TSPYL6: variants seen among roughly 807,000 people sequenced by gnomAD.
The protein encoded by TSPYL6 is testis-specific Y-encoded-like protein 6.
For synonymous variants in TSPYL6, 259 were observed against 214.8 expected (o/e 1.21, Z -1.80); for missense variants, 699 against 531.5 (o/e 1.32, Z -3.10).
rs1484102761 is a variant in TSPYL6, at chr2:54,254,596, C to T, written c.*323G>A. On this transcript the variant is annotated 3_prime_UTR_variant, in exon 1 of 1. Transcript: ENST00000317802. The stretch of plus-strand genomic sequence containing the variant: ...AGAAATCCAAGTAGGAGGAGCCAGA[C>T]CAGAGGTCCTGGGAACAAACCGAGT... 1.6e-5 allele frequency: 4 copies of T among 257,374 alleles called. No individual in the cohort carries two copies. Among genetic ancestry groups the T allele is most frequent in the Non-Finnish European group, 7.4e-6 (1 of 135,582 alleles). 15.9% of individuals were successfully genotyped at this position (257,374 alleles called of 1,614,324 possible). A position where few individuals can be genotyped will look rare whatever the true frequency, so the allele number is the denominator to read the frequency against.
chr2:54,256,173 A>G lies in TSPYL6; in HGVS notation c.-22T>C. 6.3e-7 allele frequency: 1 copy of G among 1,598,162 alleles called. No homozygotes were observed. Among genetic ancestry groups the G allele is most frequent in the Non-Finnish European group, 8.5e-7 (1 of 1,171,220 alleles). ...TCATGTTGGTAGCGGCCAGGGCAGC[A>G]GTGGGTAGAGGCCAGGCCAGAGGTA... On this transcript the variant is annotated 5_prime_UTR_variant, in exon 1 of 1. Transcript: ENST00000317802.
At position 54,255,749 on chromosome 2, in the gene TSPYL6, C is replaced by T. The variant is rs1471238268; in HGVS notation, c.403G>A (p.Gly135Arg). Residue 135 changes from glycine (G) to arginine (R), a missense_variant, in exon 1 of 1, where the codon GGG (glycine) becomes AGG (arginine). By Grantham distance (125) the Gly-to-Arg change is moderately radical (BLOSUM62 -2). Coordinates refer to ENST00000317802, the MANE Select transcript of TSPYL6 (RefSeq NM_001003937.3). ...GCAATCACTTCAGACTCCGACCTCC[C>T]TGCCCCACAGGTTTCTAGAGCCTTC... ...GEKALETCGA[G>R]RSESEVIAEG... 13 of 1,613,892 alleles carry T rather than the reference C, an allele frequency of 8.1e-6. No individual in the cohort carries two copies. The highest frequency in any genetic ancestry group is 1.1e-5 in the Non-Finnish European group (13 of 1,180,030).
Position 54,254,618 on chromosome 2 carries a change from G to A in TSPYL6, c.*301C>T, listed in dbSNP as rs368927774. Reference sequence around the variant, plus strand: ...AGACCAGAGGTCCTGGGAACAAACCGAGTCCAAACAAAGGTAAATACAGTG... The same window carrying A: ...AGACCAGAGGTCCTGGGAACAAACCAAGTCCAAACAAAGGTAAATACAGTG... On this transcript the variant is annotated 3_prime_UTR_variant, in exon 1 of 1. Coordinates refer to ENST00000317802, the MANE Select transcript of TSPYL6 (RefSeq NM_001003937.3). The A allele has an allele frequency of 2.5e-5, 7 of 278,142 alleles. No individual in the cohort carries two copies. Among genetic ancestry groups the A allele is most frequent in the Admixed American group, 1.9e-4 (4 of 20,894 alleles). 17.2% of individuals were successfully genotyped at this position (278,142 alleles called of 1,614,324 possible).
At position 54,254,674 on chromosome 2, in the gene TSPYL6, A is replaced by C. The variant is rs1687402810; in HGVS notation, c.*245T>G. The C allele has an allele frequency of 2.0e-6, 1 of 501,902 alleles. No individual in the cohort carries two copies. Among genetic ancestry groups the C allele is most frequent in the Admixed American group, 3.5e-5 (1 of 28,516 alleles). 31.1% of individuals were successfully genotyped at this position (501,902 alleles called of 1,614,324 possible). A position where few individuals can be genotyped will look rare whatever the true frequency, so the allele number is the denominator to read the frequency against. ...TACAGCATCATTCGCTTCGCTTAGA[A>C]GGATGTGACCCATCGGCTGGGAGCA... On this transcript the variant is annotated 3_prime_UTR_variant, in exon 1 of 1. Coordinates refer to ENST00000317802, the MANE Select transcript of TSPYL6 (RefSeq NM_001003937.3).
chr2:54,256,060 T>C lies in TSPYL6; in HGVS notation c.92A>G (p.Lys31Arg). 6.2e-7 allele frequency: 1 copy of C among 1,614,142 alleles called. No homozygotes were observed. The highest frequency in any genetic ancestry group is 8.5e-7 in the Non-Finnish European group (1 of 1,180,026). Residue 31 changes from lysine (K) to arginine (R), a missense_variant, in exon 1 of 1, where the codon AAG becomes AGG. By Grantham distance (26) the Lys-to-Arg change is conservative (BLOSUM62 2). Transcript: ENST00000317802. ...CATATCTGCCATTACCTCTGTCGCCTTGCTCTTTTCTCGGGACCTCTGGCC... is the reference window on the plus strand; with the variant it reads ...CATATCTGCCATTACCTCTGTCGCCCTGCTCTTTTCTCGGGACCTCTGGCC... Reference protein sequence around the residue: ...HQGQRSREKSKATEVMADMFD... With the variant: ...HQGQRSREKSRATEVMADMFD...
In TSPYL6 at chr2:54,254,609, G is replaced by C. The variant is rs893512876; in HGVS notation, c.*310C>G. ...GGAGGAGCCAGACCAGAGGTCCTGG[G>C]AACAAACCGAGTCCAAACAAAGGTA... On this transcript the variant is annotated 3_prime_UTR_variant, in exon 1 of 1. Coordinates refer to ENST00000317802, the MANE Select transcript of TSPYL6 (RefSeq NM_001003937.3). 2.6e-5 allele frequency: 7 copies of C among 269,124 alleles called. No individual in the cohort carries two copies. The highest frequency in any genetic ancestry group is 1.5e-4 in the African/African-American group (7 of 45,224). The allele number at this position is 269,124 out of a possible 1,614,324, so 16.7% of individuals were successfully genotyped here. A position where few individuals can be genotyped will look rare whatever the true frequency, so the allele number is the denominator to read the frequency against.
chr2:54,253,600 T>C lies in TSPYL6; in HGVS notation c.*1319A>G, dbSNP rs368513395. On this transcript the variant is annotated 3_prime_UTR_variant, in exon 1 of 1. Coordinates refer to ENST00000317802, the MANE Select transcript of TSPYL6 (RefSeq NM_001003937.3). ...CGTGCATACTAAAAAAAAGTACTTC[T>C]CTTCCCATCATAACTAGTCAACCCA... The C allele has an allele frequency of 2.0e-5, 3 of 152,258 alleles. No individual in the cohort carries two copies. Among genetic ancestry groups the C allele is most frequent in the East Asian group, 3.8e-4 (2 of 5,202 alleles). 9.4% of individuals were successfully genotyped at this position (152,258 alleles called of 1,614,324 possible). A position where few individuals can be genotyped will look rare whatever the true frequency, so the allele number is the denominator to read the frequency against.
chr2:54,255,598 C>T lies in TSPYL6; in HGVS notation c.554G>A (p.Arg185Lys), dbSNP rs548021910. Residue 185 changes from arginine (R) to lysine (K), a missense_variant, in exon 1 of 1, where the codon AGG (arginine) becomes AAG (lysine). Coordinates refer to ENST00000317802, the MANE Select transcript of TSPYL6 (RefSeq NM_001003937.3). ...EENRAIDEVN[R>K]EAGPGPGPGP... ...GGGCCCGGGCCCAGGCCCTGCCTCC[C>T]TGTTTACCTCATCTATTGCTCTGTT... 35 of 1,613,582 alleles carry T rather than the reference C, an allele frequency of 2.2e-5. No individual in the cohort carries two copies. The highest frequency in any genetic ancestry group is 1.6e-4 in the East Asian group (7 of 44,812).
In TSPYL6 at chr2:54,253,838, G is replaced by C. The variant is rs1687351231; in HGVS notation, c.*1081C>G. ...GAGAAGAAAGGAGAATGGGCAATAA[G>C]AGGTCTGGCAGTCTATTTTACAGAA... is the stretch of plus-strand genomic sequence containing the variant. On this transcript the variant is annotated 3_prime_UTR_variant, in exon 1 of 1. Coordinates refer to ENST00000317802, the MANE Select transcript of TSPYL6 (RefSeq NM_001003937.3). 1 of 152,362 alleles carries C rather than the reference G, an allele frequency of 6.6e-6. No homozygotes were observed. Among genetic ancestry groups the C allele is most frequent in the African/African-American group, 2.4e-5 (1 of 41,584 alleles). The allele number at this position is 152,362 out of a possible 1,614,324, so 9.4% of individuals were successfully genotyped here. A position where few individuals can be genotyped will look rare whatever the true frequency, so the allele number is the denominator to read the frequency against.
In TSPYL6 at chr2:54,254,784, A is replaced by C; in HGVS notation, c.*135T>G. 1 of 814,746 alleles carries C rather than the reference A, an allele frequency of 1.2e-6. No individual in the cohort carries two copies. The highest frequency in any genetic ancestry group is 1.9e-6 in the Non-Finnish European group (1 of 526,836). The allele number at this position is 814,746 out of a possible 1,614,324, so 50.5% of individuals were successfully genotyped here. The stretch of plus-strand genomic sequence containing the variant: ...AGGTCTCAATCTTCAGGTTGAGAGA[A>C]CGGAAAGTTTAAACAGAGGGTACAG... On this transcript the variant is annotated 3_prime_UTR_variant, in exon 1 of 1. Coordinates refer to ENST00000317802, the MANE Select transcript of TSPYL6 (RefSeq NM_001003937.3).
At position 54,255,959 on chromosome 2, in the gene TSPYL6, C is replaced by A. The variant is rs200365615; in HGVS notation, c.193G>T (p.Ala65Ser). 6.2e-7 allele frequency: 1 copy of A among 1,614,070 alleles called. No homozygotes were observed. Among genetic ancestry groups the A allele is most frequent in the South Asian group, 1.1e-5 (1 of 91,076 alleles). Residue 65 changes from alanine to serine, a missense_variant, in exon 1 of 1, where the codon GCA becomes TCA. Ala to Ser is a moderately conservative substitution (Grantham distance 99, BLOSUM62 1). Transcript: ENST00000317802. The stretch of plus-strand genomic sequence containing the variant: ...ATGTGGAAAGTATGGCCACCATCTG[C>A]GGGATCCTGGGGCGCGACCCCCTCC... ...PEEGVAPQDP[A>S]DGGHTFHILV...
In TSPYL6 at chr2:54,255,572, C is replaced by T. The variant is rs776734397; in HGVS notation, c.580G>A (p.Gly194Arg). The T allele has an allele frequency of 1.7e-6, 2 of 1,178,768 alleles. No homozygotes were observed. Among genetic ancestry groups the T allele is most frequent in the South Asian group, 1.5e-5 (1 of 66,206 alleles). The allele number at this position is 1,178,768 out of a possible 1,614,324, so 73.0% of individuals were successfully genotyped here. A position where few individuals can be genotyped will look rare whatever the true frequency, so the allele number is the denominator to read the frequency against. Reference protein sequence around the residue: ...NREAGPGPGPGPLNVGLHLNP... With the variant: ...NREAGPGPGPRPLNVGLHLNP... ...AGGTGGAGACCCACGTTCAGGGGCC[C>T]GGGCCCGGGCCCAGGCCCTGCCTCC... The change falls in exon 1 of 1, where the codon GGG becomes AGG. Residue 194 changes from glycine to arginine, a missense_variant. Coordinates refer to ENST00000317802, the MANE Select transcript of TSPYL6 (RefSeq NM_001003937.3).
chr2:54,254,338 A>G lies in TSPYL6; in HGVS notation c.*581T>C, dbSNP rs933871014. 1.3e-5 allele frequency: 2 copies of G among 152,598 alleles called. No homozygotes were observed. The highest frequency in any genetic ancestry group is 4.8e-5 in the African/African-American group (2 of 41,460). 9.5% of individuals were successfully genotyped at this position (152,598 alleles called of 1,614,324 possible). On this transcript the variant is annotated 3_prime_UTR_variant, in exon 1 of 1. Coordinates refer to ENST00000317802, the MANE Select transcript of TSPYL6 (RefSeq NM_001003937.3). ...AGTGGAGCTGGCAATGGTCTGGGAT[A>G]TGTTCACTCAGCAGGGAGCTGCCCA... is the stretch of plus-strand genomic sequence containing the variant.
rs1410110511 is a variant in TSPYL6 at position 54,255,161 on chromosome 2, G to A, written c.991C>T (p.Arg331Cys). The change falls in exon 1 of 1, where the codon CGC becomes TGC. Residue 331 changes from arginine to cysteine, a missense_variant. Arg to Cys is a radical substitution (Grantham distance 180). Coordinates refer to ENST00000317802, the MANE Select transcript of TSPYL6 (RefSeq NM_001003937.3). ...AAGGACTGGGGTCCATGGCCCCGGC[G>A]CCACATGATTAGAGTGGAAAAAGAC... ...VVSFSTLIMW[R>C]RGHGPQSFIH... is the part of the protein sequence containing the mutation. 21 of 1,614,110 alleles carry A rather than the reference G, an allele frequency of 1.3e-5. No individual in the cohort carries two copies. Among genetic ancestry groups the A allele is most frequent in the African/African-American group, 2.7e-5 (2 of 75,016 alleles).
Position 54,255,116 on chromosome 2 carries a change from C to G in TSPYL6, c.1036G>C (p.Val346Leu), listed in dbSNP as rs756102539. The stretch of plus-strand genomic sequence containing the variant: ...AACCAGGTGAAGAAGCTGCAGATGA[C>G]ATGTCGGTTCCTATGAATGAAGGAC... ...PQSFIHRNRH[V>L]ICSFFTWFSD... is the part of the protein sequence containing the mutation. The change falls in exon 1 of 1, where the codon GTC becomes CTC. Residue 346 changes from valine to leucine, a missense_variant. Coordinates refer to ENST00000317802, the MANE Select transcript of TSPYL6 (RefSeq NM_001003937.3). The G allele has an allele frequency of 3.1e-6, 5 of 1,614,150 alleles. No individual in the cohort carries two copies.
rs1687375818 is a variant in TSPYL6, at chr2:54,254,264, T to C, written c.*655A>G. 6.6e-6 allele frequency: 1 copy of C among 152,352 alleles called. No homozygotes were observed. The allele number at this position is 152,352 out of a possible 1,614,324, so 9.4% of individuals were successfully genotyped here. ...GTCTTTTGTGTGCTGACAGGAAAGC[T>C]GTGTCCACCACCAGTGTTCTGGAGA... On this transcript the variant is annotated 3_prime_UTR_variant, in exon 1 of 1. Coordinates refer to ENST00000317802, the MANE Select transcript of TSPYL6 (RefSeq NM_001003937.3).
At position 54,256,105 on chromosome 2, in the gene TSPYL6, G is replaced by T; in HGVS notation, c.47C>A (p.Ala16Asp). 1 of 1,614,174 alleles carries T rather than the reference G, an allele frequency of 6.2e-7. No homozygotes were observed. Among genetic ancestry groups the T allele is most frequent in the African/African-American group, 1.3e-5 (1 of 75,048 alleles). The change falls in exon 1 of 1, where the codon GCT becomes GAT. Residue 16 changes from alanine to aspartate, a missense_variant. Ala to Asp is a moderately radical substitution (Grantham distance 126). Transcript: ENST00000317802. ...CTGGCCCTGGTGCGGGTCTTCCAGA[G>T]CATAGTCGAGAGTAGCGGGGCTGTG... ...SPHSPATLDY[A>D]LEDPHQGQRS...
the TSPYL6 span, chr2:54,255,647 C>A: frequency 6.2e-7 from 1 of 1,613,730 alleles, no homozygotes; most frequent in South Asian, 1.1e-5. Flanking sequence ...TCCATTTCTT[C>A]GCCTCCTGGC....
chr2:54,255,751 G>C lies in TSPYL6; in HGVS notation c.401C>G (p.Ala134Gly), dbSNP rs542405286. The change falls in exon 1 of 1, where the codon GCA (alanine) becomes GGA (glycine). Residue 134 changes from alanine to glycine, a missense_variant. Physicochemically the swap from Ala to Gly is moderately conservative, Grantham distance 60 (BLOSUM62 0). Coordinates refer to ENST00000317802, the MANE Select transcript of TSPYL6 (RefSeq NM_001003937.3). Reference protein sequence around the residue: ...GGEKALETCGAGRSESEVIAE... With the variant: ...GGEKALETCGGGRSESEVIAE... Reference sequence around the variant, plus strand: ...AATCACTTCAGACTCCGACCTCCCTGCCCCACAGGTTTCTAGAGCCTTCTC... The same window carrying C: ...AATCACTTCAGACTCCGACCTCCCTCCCCCACAGGTTTCTAGAGCCTTCTC... 5 of 1,613,772 alleles carry C rather than the reference G, an allele frequency of 3.1e-6. No homozygotes were observed. In the East Asian group the frequency reaches 6.7e-5, roughly 22 times the overall value.
Sources: allele counts gnomAD v4.1 joint callset, GRCh38; gene constraint gnomAD v4.1.1; transcripts MANE v1.5; gene names NCBI Gene and HGNC (gene_info 2026-07-23, HGNC 2026-07-21).